The following SGMS2 variants were observed in gnomAD, a reference collection of about 807,000 sequenced individuals.
SGMS2 encodes the protein phosphatidylcholine:ceramide cholinephosphotransferase 2.
SGMS2 carries 21 observed loss-of-function variants against 43.8 expected under a neutral mutation model. The observed-to-expected ratio is 0.48, with a 90% confidence interval of 0.34 to 0.69. The LOEUF is 0.69. SGMS2 is among the 30% of genes least tolerant of loss of function. The probability of loss-of-function intolerance (pLI) is 0.01; values close to 1 mark genes in which losing one functional copy is unlikely to be tolerated. For synonymous variants in SGMS2, 167 were observed against 160.6 expected (o/e 1.04, Z -0.30); for missense variants, 384 against 443.2 (o/e 0.87, Z 1.20).
At chr4:107,851,990 A>C (rs913873764) in intron 1 of SGMS2, among the ~76,000 whole-genome samples, 1 of 152,098 alleles carries the variant, frequency 6.6e-6, no homozygotes, top group African/African-American at 2.4e-5. Context: ...CCCCACACAC[A>C]GACTGATCAA....
chr4:107,842,814 G>C (rs76530821), intron 1 of SGMS2, among the ~76,000 whole-genome samples: 6,172 of 151,956 alleles, frequency 0.041, 427 homozygotes, highest in African/African-American at 0.14. Context: ...TGGTGTAATC[G>C]GAGCTGATTT....
chr4:107,855,046 G>A (rs1200922783), intron 1 of SGMS2, among the ~76,000 whole-genome samples: 2 of 152,148 alleles, frequency 1.3e-5, no homozygotes, highest in African/African-American at 4.8e-5. Flanking sequence ...GGAGTTGAGA[G>A]CCAAATATGC....
chr4:107,848,531 A>C (rs954420421), intron 1 of SGMS2, among the ~76,000 whole-genome samples: 3 of 152,164 alleles, frequency 2.0e-5, no homozygotes, highest in Admixed American at 1.3e-4. Context: ...TTGCATTCCC[A>C]CCAGCAATGA....
At chr4:107,876,582 A>G (rs1243893378) in intron 2 of SGMS2, among the ~76,000 whole-genome samples, 1 of 152,218 alleles carries the variant, frequency 6.6e-6, no homozygotes, top group East Asian at 1.9e-4. Flanking sequence ...TTGTTTTGAA[A>G]TGGTATGAAA....
intron 2 of SGMS2, among the ~76,000 whole-genome samples, chr4:107,882,914 A>G (rs1729471180): frequency 1.3e-5 from 2 of 152,216 alleles, no homozygotes; most frequent in African/African-American, 4.8e-5. Flanking sequence ...TTATAAATGC[A>G]GGAACATGCT....
intron 2 of SGMS2, among the ~76,000 whole-genome samples, chr4:107,877,913 CTT>C (rs774442653): frequency 4.8e-4 from 49 of 102,176 alleles, no homozygotes; most frequent in Middle Eastern, 5.7e-3. Flanking sequence ...TTTTTCTTTT[CTT>C]TTTTTTTTTT....
intron 1 of SGMS2, among the ~76,000 whole-genome samples, chr4:107,852,312 C>T (rs898319839): frequency 1.3e-5 from 2 of 151,658 alleles, no homozygotes; most frequent in Admixed American, 6.6e-5. Context: ...TTCCTGACCC[C>T]GTGATCCGCC....
rs1732064875 is a variant in SGMS2 at position 107,910,801 on chromosome 4, T to A, written c.*248T>A. On this transcript the variant is annotated 3_prime_UTR_variant, in exon 7 of 7. Transcript: ENST00000690982. The stretch of plus-strand genomic sequence containing the variant: ...AGCCCCCACCCCGGGACTTTACTAA[T>A]GAGCTTGTTAAAGAGGTGCCAAAGA... 1 of 424,256 alleles carries A rather than the reference T, an allele frequency of 2.4e-6. No homozygotes were observed. Among genetic ancestry groups the A allele is most frequent in the Admixed American group, 4.0e-5 (1 of 25,118 alleles). The allele number at this position is 424,256 out of a possible 1,614,324, so 26.3% of individuals were successfully genotyped here.
intron 2 of SGMS2, among the ~76,000 whole-genome samples, chr4:107,874,740 T>C (rs183995857): frequency 8.5e-5 from 13 of 152,326 alleles, no homozygotes; most frequent in African/African-American, 2.2e-4. Flanking sequence ...ATCAATATCA[T>C]TGTCACTTGC....
chr4:107,878,705 A>G lies in SGMS2; in HGVS notation c.-244-16605A>G, dbSNP rs1360751737. 2.6e-5 allele frequency among the ~76,000 whole-genome samples: 4 copies of G among 152,244 alleles called. No homozygotes were observed. The East Asian group carries it at 5.8e-4, about 22-fold the overall frequency. On this transcript the variant is annotated intron_variant, in intron 2 of 6. Coordinates refer to ENST00000690982, the MANE Select transcript of SGMS2 (RefSeq NM_001375905.1). ...CCATGTGACTCCATCTTCTTTTAAG[A>G]TTCTCCTTCTGGAGAGCTTTAGCTT...
At chr4:107,910,257 C>T in intron 6 of SGMS2, 93 bp from the exon 7 acceptor site, 1 of 1,059,230 alleles carries the variant, frequency 9.4e-7, no homozygotes, top group Non-Finnish European at 1.4e-6. Context: ...ATTCTGTTTT[C>T]CCTAGGTTAC....
At chr4:107,833,316 T>C (rs1215086723) in intron 1 of SGMS2, among the ~76,000 whole-genome samples, 1 of 152,204 alleles carries the variant, frequency 6.6e-6, no homozygotes. Flanking sequence ...TGAGGTTGCT[T>C]TGTTTTCTAA....
At chr4:107,867,179 C>T (rs1728192407) in intron 2 of SGMS2, 1 of 152,200 alleles carries the variant, frequency 6.6e-6, no homozygotes, top group African/African-American at 2.4e-5. Context: ...CTCTCCTCCA[C>T]ATAGTTCACA....
At chr4:107,845,392 A>G (rs1157821911) in intron 1 of SGMS2, among the ~76,000 whole-genome samples, 1 of 152,202 alleles carries the variant, frequency 6.6e-6, no homozygotes, top group African/African-American at 2.4e-5. Context: ...AGGGTTACTG[A>G]GAAGCATTGT....
intron 1 of SGMS2, among the ~76,000 whole-genome samples, chr4:107,837,230 G>C (rs1042464343): frequency 6.6e-6 from 1 of 152,178 alleles, no homozygotes; most frequent in African/African-American, 2.4e-5. Context: ...AGAGGAAAAG[G>C]TGTTGAAAAG....
chr4:107,871,213 A>G (rs1728534200), intron 2 of SGMS2, among the ~76,000 whole-genome samples: 1 of 152,202 alleles, frequency 6.6e-6, no homozygotes, highest in Non-Finnish European at 1.5e-5. Flanking sequence ...TAACAGAGAG[A>G]GAGAGACTAT....
chr4:107,845,435 T>C (rs536857491), intron 1 of SGMS2, among the ~76,000 whole-genome samples: 1 of 152,324 alleles, frequency 6.6e-6, no homozygotes, highest in Admixed American at 6.5e-5. Context: ...CTGTTGTGTG[T>C]GGTTTGTACC....
intron 2 of SGMS2, among the ~76,000 whole-genome samples, chr4:107,884,810 A>G (rs1270658162): frequency 6.6e-6 from 1 of 152,194 alleles, no homozygotes; most frequent in African/African-American, 2.4e-5. Flanking sequence ...CCTAAAATGT[A>G]TGAAACCAAA....
At chr4:107,841,688 G>A (rs1726514566) in intron 1 of SGMS2, among the ~76,000 whole-genome samples, 1 of 151,900 alleles carries the variant, frequency 6.6e-6, no homozygotes, top group Admixed American at 6.6e-5. Context: ...TTAAGAGACA[G>A]GGTCTCACTA....
Sources: gnomAD v4.1 joint callset for allele counts (sites outside exome capture counted in the v4.1 genomes callset) on GRCh38, gnomAD v4.1.1 for gene constraint, MANE v1.5 for transcripts, NCBI Gene and HGNC (gene_info 2026-07-23, HGNC 2026-07-21) for gene names.